The following NSG2 variants were observed in gnomAD, a reference collection of about 807,000 sequenced individuals.
The protein encoded by NSG2 is neuronal vesicle trafficking associated 2.
Under a neutral mutation model 16.9 loss-of-function variants are expected in NSG2, and 4 were observed. The observed-to-expected ratio is 0.24, with a 90% CI of 0.12 to 0.54. NSG2 has a LOEUF of 0.54. Ranked by LOEUF, NSG2 falls within the 20% of genes least tolerant of loss-of-function variation. The pLI, the probability that NSG2 is intolerant of heterozygous loss-of-function variation, is 0.95. For missense variants in NSG2, 179 were observed against 221.1 expected, an observed-to-expected ratio of 0.81 and a Z score of 1.21; for synonymous variants, 98 against 88.7, an observed-to-expected ratio of 1.11 and a Z score of -0.59.
rs986571180 is a variant in NSG2, at chr5:174,072,907, C to T, written c.213+8592C>T. 2.6e-5 allele frequency among the ~76,000 whole-genome samples: 4 copies of T among 152,124 alleles called. No homozygotes were observed. The highest frequency in any genetic ancestry group is 6.6e-5 in the Admixed American group (1 of 15,262). On this transcript the variant is annotated intron_variant, in intron 3 of 4. Coordinates refer to ENST00000303177, the MANE Select transcript of NSG2 (RefSeq NM_015980.5). The surrounding 1 kb of genome is among the most constrained non-coding windows in gnomAD (Gnocchi z 4.0). ...GGCTGAGGCAGGAGGATCATCTGAG[C>T]CTGGGAGGTTGAGGCTGCAGTGAGC...
At chr5:174,102,749 GT>G (rs34781452) in intron 3 of NSG2, among the ~76,000 whole-genome samples, 1 of 147,986 alleles carries the variant, frequency 6.8e-6, no homozygotes, top group Non-Finnish European at 1.5e-5. Context: ...GCCATGCTTT[GT>G]TTTTTTTATT....
intron 2 of NSG2, among the ~76,000 whole-genome samples, chr5:174,047,537 C>T (rs2113414034): frequency 6.6e-6 from 1 of 152,206 alleles, no homozygotes; most frequent in South Asian, 2.1e-4. Flanking sequence ...GAGTAAAAAC[C>T]CTTCCTGGCA....
At chr5:174,049,019 C>T (rs1364194759) in intron 2 of NSG2, among the ~76,000 whole-genome samples, 3 of 151,960 alleles carry the variant, frequency 2.0e-5, no homozygotes, top group Non-Finnish European at 4.4e-5. Context: ...TTAGATGTGG[C>T]ATTATACGTA....
chr5:174,107,496 G>C lies in NSG2; in HGVS notation c.507G>C (p.Gln169His). The change falls in exon 5 of 5, where the codon CAG (glutamine) becomes CAC (histidine). Residue 169 changes from glutamine (Q) to histidine (H), a missense_variant. Transcript: ENST00000303177. The surrounding 1 kb of genome is among the most constrained non-coding windows in gnomAD (Gnocchi z 4.5). ...VIHEPKPPKTQGH is the reference protein window; with the variant it reads ...VIHEPKPPKTHGH ...ATGAGCCCAAGCCGCCCAAGACCCA[G>C]GGCCACTAGAGGCCTGCCCCAGCCA... 1 of 1,608,460 alleles carries C rather than the reference G, an allele frequency of 6.2e-7. No homozygotes were observed. The highest frequency in any genetic ancestry group is 1.3e-5 in the African/African-American group (1 of 74,938).
chr5:174,088,106 G>A (rs1482625831), intron 3 of NSG2, among the ~76,000 whole-genome samples: 6 of 152,136 alleles, frequency 3.9e-5, no homozygotes, highest in Admixed American at 3.9e-4. Context: ...CTGATATATT[G>A]ACTTAGATGC....
chr5:174,094,415 G>A (rs1179427645), intron 3 of NSG2, among the ~76,000 whole-genome samples: 1 of 152,172 alleles, frequency 6.6e-6, no homozygotes, highest in Non-Finnish European at 1.5e-5. Context: ...AATCTTCACA[G>A]CAATCCTATG....
In NSG2 at chr5:174,083,081, C is replaced by A. The variant is rs193105831; in HGVS notation, c.213+18766C>A. On this transcript the variant is annotated intron_variant, in intron 3 of 4. Transcript: ENST00000303177. The stretch of plus-strand genomic sequence containing the variant: ...CGTCCACACCCTGGGGCAGGCTGTT[C>A]TCTCCACCTGGATCCCCCTTTTACT... Among the ~76,000 whole-genome samples, 16 of 152,336 alleles carry A rather than the reference C, an allele frequency of 1.1e-4. No individual in the cohort carries two copies. The East Asian group carries it at 2.9e-3, about 28-fold the overall frequency.
chr5:174,080,467 TTTTCTTTCTTTCCCTC>T lies in NSG2; in HGVS notation c.213+16197_213+16212del, dbSNP rs1296497172. On this transcript the variant is annotated intron_variant, in intron 3 of 4. Coordinates refer to ENST00000303177, the MANE Select transcript of NSG2 (RefSeq NM_015980.5). Reference sequence around the variant, plus strand: ...ATGCTACGTCTTTAAAATATTGAGATTTTCTTTCTTTCCCTCTTTCTTTCTTTCCCTCTTTCTTTCT... The same window carrying T: ...ATGCTACGTCTTTAAAATATTGAGATTTTCTTTCTTTCCCTCTTTCTTTCT... Among the ~76,000 whole-genome samples, 22 of 139,234 alleles carry T rather than the reference TTTTCTTTCTTTCCCTC, an allele frequency of 1.6e-4. No homozygotes were observed. The East Asian group carries it at 1.6e-3, about 10-fold the overall frequency. 91.3% of individuals were successfully genotyped at this position (139,234 alleles called of 152,430 possible). A position where few individuals can be genotyped will look rare whatever the true frequency, so the allele number is the denominator to read the frequency against.
intron 3 of NSG2, among the ~76,000 whole-genome samples, chr5:174,077,423 G>T (rs1323871976): frequency 1.3e-5 from 2 of 151,982 alleles, no homozygotes; most frequent in African/African-American, 4.8e-5. Context: ...CTATATACTT[G>T]GTCTCTCGAG....
At chr5:174,073,539 A>G (rs1379254690) in intron 3 of NSG2, among the ~76,000 whole-genome samples, 2 of 152,194 alleles carry the variant, frequency 1.3e-5, no homozygotes, top group Admixed American at 6.5e-5. Flanking sequence ...TGAAAATCAG[A>G]CTGAAGATGC....
chr5:174,069,944 C>T (rs1017963964), intron 3 of NSG2, among the ~76,000 whole-genome samples: 1 of 147,440 alleles, frequency 6.8e-6, no homozygotes, highest in African/African-American at 2.5e-5. Flanking sequence ...CTAGCATGAT[C>T]ATGGCTCACT....
rs902045913 is a variant in NSG2, at chr5:174,057,344, C to T, written c.130-6888C>T. Among the ~76,000 whole-genome samples, 39 of 152,132 alleles carry T rather than the reference C, an allele frequency of 2.6e-4. 1 individual carries two copies. The highest frequency in any genetic ancestry group is 6.2e-4 in the South Asian group (3 of 4,830). ...TCCTGTCTTGTTCTCTTTGCCTATG[C>T]GAGCTGATTCCTCCAAGGTACAATT... On this transcript the variant is annotated intron_variant, in intron 2 of 4. Transcript: ENST00000303177.
intron 3 of NSG2, among the ~76,000 whole-genome samples, chr5:174,066,046 T>C (rs1278355379): frequency 6.6e-6 from 1 of 152,176 alleles, no homozygotes; most frequent in Non-Finnish European, 1.5e-5. Context: ...TCTTTGACTA[T>C]TTTTCTCCCC....
chr5:174,057,952 T>G (rs1286375479), intron 2 of NSG2, among the ~76,000 whole-genome samples: 1 of 152,044 alleles, frequency 6.6e-6, no homozygotes, highest in South Asian at 2.1e-4. Flanking sequence ...TATATTGGGG[T>G]AGAGGCCGTG....
chr5:174,082,282 C>T (rs1760492681), intron 3 of NSG2: 1 of 152,192 alleles, frequency 6.6e-6, no homozygotes, highest in African/African-American at 2.4e-5. Flanking sequence ...AAGTACAAGA[C>T]GTGGCTTACA....
chr5:174,088,285 G>T (rs1323522483), intron 3 of NSG2, among the ~76,000 whole-genome samples: 1 of 152,192 alleles, frequency 6.6e-6, no homozygotes, highest in Non-Finnish European at 1.5e-5. Context: ...TCGCACAGGT[G>T]GTAATAGTGG....
chr5:174,098,487 G>A (rs1259296998), intron 3 of NSG2, among the ~76,000 whole-genome samples: 2 of 152,090 alleles, frequency 1.3e-5, no homozygotes, highest in Non-Finnish European at 2.9e-5. Context: ...AGGCCCTCTG[G>A]AACCTCGAGC....
chr5:174,068,169 A>C (rs993626966), intron 3 of NSG2, among the ~76,000 whole-genome samples: 1 of 152,192 alleles, frequency 6.6e-6, no homozygotes, highest in Non-Finnish European at 1.5e-5. Flanking sequence ...CAATCCCTTC[A>C]TGGATCTGGG....
chr5:174,103,076 A>C (rs1187088813), intron 3 of NSG2, among the ~76,000 whole-genome samples: 3 of 151,456 alleles, frequency 2.0e-5, no homozygotes, highest in Non-Finnish European at 4.4e-5. Flanking sequence ...GGTGTGAGCC[A>C]CTGCACCTGG....
Sources: gnomAD v4.1 joint callset for allele counts (sites outside exome capture counted in the v4.1 genomes callset) on GRCh38, gnomAD v4.1.1 for gene constraint, Gnocchi (gnomAD v3.1) non-coding constraint, MANE v1.5 for transcripts, NCBI Gene and HGNC (gene_info 2026-07-23, HGNC 2026-07-21) for gene names.